Variants in DOCK7 observed in about 807,000 individuals in gnomAD.
DOCK7 encodes the protein dedicator of cytokinesis protein 7.
A neutral mutation model predicts 271.0 loss-of-function variants in DOCK7; 138 were observed. The ratio of observed to expected loss-of-function variants is 0.51; its 90% confidence interval spans 0.44 to 0.59. DOCK7 has a LOEUF of 0.59. DOCK7 is among the 20% of genes least tolerant of loss of function. The probability of loss-of-function intolerance (pLI) is 0.00; values close to 1 mark genes in which losing one functional copy is unlikely to be tolerated. For missense variants in DOCK7, 2,066 were observed against 2,592.4 expected (o/e 0.80, Z 4.41); for synonymous variants, 823 against 876.1 (o/e 0.94, Z 1.07).
chr1:62,511,636 C>T (rs11207977), intron 33 of DOCK7, among the ~76,000 whole-genome samples: 48,228 of 151,764 alleles, frequency 0.32, 7,766 homozygotes, highest in South Asian at 0.42. Context: ...AAATAAGAAT[C>T]ATTTCCTGTA....
chr1:62,600,997 CTG>C (rs1391441910), intron 14 of DOCK7: 4 of 809,824 alleles, frequency 4.9e-6, no homozygotes, highest in South Asian at 1.4e-5. Context: ...GAAAGACAAA[CTG>C]TACTTCTGAC....
intron 36 of DOCK7, 129 bp from the exon 37 acceptor site, chr1:62,504,911 G>A: frequency 3.6e-6 from 4 of 1,108,718 alleles, no homozygotes; most frequent in Non-Finnish European, 5.0e-6. Flanking sequence ...GACAATATTA[G>A]CTAATGGTTA....
In DOCK7 at chr1:62,475,164, G is replaced by A. The variant is rs764400784; in HGVS notation, c.6105+44C>T. 6.2e-5 allele frequency: 96 copies of A among 1,551,720 alleles called. No homozygotes were observed. In the Admixed American group the frequency reaches 1.5e-3, roughly 24 times the overall value. ...TTCTGATCTGAAATTATCCCAAATCGTATTTACAGCTTAAATCACACAGTG... is the reference window on the plus strand; with the variant it reads ...TTCTGATCTGAAATTATCCCAAATCATATTTACAGCTTAAATCACACAGTG... On this transcript the variant is annotated intron_variant, in intron 47 of 49. Transcript: ENST00000635253.
chr1:62,622,661 C>T (rs1294627917), intron 12 of DOCK7, among the ~76,000 whole-genome samples: 4 of 152,064 alleles, frequency 2.6e-5, no homozygotes, highest in Non-Finnish European at 5.9e-5. Context: ...CCAGGCACGG[C>T]GTCTCACGCC....
chr1:62,678,404 C>T (rs1486057118), intron 1 of DOCK7, among the ~76,000 whole-genome samples: 1 of 152,006 alleles, frequency 6.6e-6, no homozygotes, highest in African/African-American at 2.4e-5. Flanking sequence ...TAGCTGGATA[C>T]AAAATTGTTA....
At chr1:62,503,947 T>C (rs1646864789) in intron 37 of DOCK7, among the ~76,000 whole-genome samples, 2 of 151,262 alleles carry the variant, frequency 1.3e-5, no homozygotes, top group Admixed American at 6.6e-5. Context: ...CTTGGGAGGC[T>C]GAGGCAGGAG....
intron 18 of DOCK7, among the ~76,000 whole-genome samples, chr1:62,566,668 A>G (rs564129834): frequency 6.6e-6 from 1 of 152,304 alleles, no homozygotes; most frequent in East Asian, 1.9e-4. Context: ...ACCAAAAGCA[A>G]TGGCAACAAA....
chr1:62,563,717 C>T (rs1290108253), intron 18 of DOCK7, among the ~76,000 whole-genome samples: 4 of 151,694 alleles, frequency 2.6e-5, no homozygotes, highest in African/African-American at 4.8e-5. Context: ...CGAATGTAAA[C>T]GGGCTAAATG....
chr1:62,669,849 G>C (rs1443261256), intron 1 of DOCK7, among the ~76,000 whole-genome samples: 3 of 152,236 alleles, frequency 2.0e-5, no homozygotes, highest in Non-Finnish European at 4.4e-5. Flanking sequence ...GGCTGGCCAA[G>C]GCCGGAGCCC....
chr1:62,617,564 A>C (rs1652602687), intron 14 of DOCK7, among the ~76,000 whole-genome samples: 1 of 152,040 alleles, frequency 6.6e-6, no homozygotes, highest in Non-Finnish European at 1.5e-5. Flanking sequence ...ATCTGAATTG[A>C]AATGTGCTTT....
intron 14 of DOCK7, chr1:62,604,696 G>C: frequency 6.2e-7 from 1 of 1,613,144 alleles, no homozygotes; most frequent in Non-Finnish European, 8.5e-7. Flanking sequence ...AACAAACCAA[G>C]AGCAAAATCT....
intron 14 of DOCK7, among the ~76,000 whole-genome samples, chr1:62,589,262 C>T (rs1648061584): frequency 6.6e-6 from 1 of 152,122 alleles, no homozygotes; most frequent in Non-Finnish European, 1.5e-5. Flanking sequence ...CCTCCAAAAA[C>T]GATCAATTAC....
chr1:62,640,453 C>T lies in DOCK7; in HGVS notation c.819-3850G>A, dbSNP rs150936421. ...AGGAGAATCACTTGAACCCGGGAGGCGGAGGTTGCAGTGAGCCGAGATTCT... is the reference window on the plus strand; with the variant it reads ...AGGAGAATCACTTGAACCCGGGAGGTGGAGGTTGCAGTGAGCCGAGATTCT... On this transcript the variant is annotated intron_variant, in intron 7 of 49. Coordinates refer to ENST00000635253, the MANE Select transcript of DOCK7 (RefSeq NM_001367561.1). Among the ~76,000 whole-genome samples, 282 of 152,092 alleles carry T rather than the reference C, an allele frequency of 1.9e-3. 1 individual carries two copies. The highest frequency in any genetic ancestry group is 6.6e-3 in the African/African-American group (273 of 41,490).
intron 43 of DOCK7, chr1:62,486,048 A>ATTAT (rs1459432106): frequency 6.6e-6 from 1 of 152,082 alleles, no homozygotes; most frequent in Non-Finnish European, 1.5e-5. Flanking sequence ...GTTTCAATTT[A>ATTAT]TTATTTTATG....
chr1:62,603,895 A>G, intron 14 of DOCK7: 1 of 1,454,578 alleles, frequency 6.9e-7, no homozygotes, highest in South Asian at 1.2e-5. Context: ...GCACCAATAA[A>G]AAACACTTAA....
chr1:62,482,423 CA>C (rs1324069469), intron 43 of DOCK7: 1 of 151,646 alleles, frequency 6.6e-6, no homozygotes, highest in Non-Finnish European at 1.5e-5. Flanking sequence ...TAGCTCACCA[CA>C]ACCTCCGCCT....
chr1:62,602,386 G>A (rs768364150), intron 14 of DOCK7: 6 of 1,607,016 alleles, frequency 3.7e-6, no homozygotes, highest in Non-Finnish European at 4.3e-6. Context: ...TGATGGTAAG[G>A]GGACTACATT....
chr1:62,648,574 C>T, intron 4 of DOCK7, 30 bp from the exon 5 acceptor site: 1 of 1,170,304 alleles, frequency 8.5e-7, no homozygotes, highest in Non-Finnish European at 1.1e-6. Flanking sequence ...AAATAAATAT[C>T]AACTATCAAA....
rs1176980338 is a variant in DOCK7, at chr1:62,545,005, C to T, written c.2801G>A (p.Gly934Asp). The change falls in exon 23 of 50, where the codon GGT (glycine) becomes GAT (aspartate). Residue 934 changes from glycine (G) to aspartate (D), a missense_variant. Physicochemically the swap from Gly to Asp is moderately conservative, Grantham distance 94. Coordinates refer to ENST00000635253, the MANE Select transcript of DOCK7 (RefSeq NM_001367561.1). ...TCCCCATGGGGCAGCTTTTGGACCA[C>T]CAGTGTTAACCCAGGAATTGGAGCG... Reference protein sequence around the residue: ...LDRSNSWVNTGGPKAAPWGSN... With the variant: ...LDRSNSWVNTDGPKAAPWGSN... 2 of 1,549,794 alleles carry T rather than the reference C, an allele frequency of 1.3e-6. No homozygotes were observed. Among genetic ancestry groups the T allele is most frequent in the Non-Finnish European group, 1.7e-6 (2 of 1,146,480 alleles).
Sources: allele counts gnomAD v4.1 joint callset (sites outside exome capture counted in the v4.1 genomes callset), GRCh38; gene constraint gnomAD v4.1.1; transcripts MANE v1.5; gene names NCBI Gene and HGNC (gene_info 2026-07-23, HGNC 2026-07-21).